ATF7IP: variants seen among roughly 807,000 people sequenced by gnomAD.
ATF7IP encodes the protein activating transcription factor 7 interacting protein.
A neutral mutation model predicts 106.4 loss-of-function variants in ATF7IP; 23 were observed. The ratio of observed to expected loss-of-function variants is 0.22; its 90% confidence interval spans 0.16 to 0.31. The LOEUF is 0.31. Ranked by LOEUF, ATF7IP falls within the 10% of genes least tolerant of loss-of-function variation. The pLI, the probability that ATF7IP is intolerant of heterozygous loss-of-function variation, is 1.00. For missense variants in ATF7IP, 1,334 were observed against 1,524.3 expected, an observed-to-expected ratio of 0.88 and a Z score of 2.08; for synonymous variants, 542 against 539.0, an observed-to-expected ratio of 1.01 and a Z score of -0.08.
At chr12:14,385,810 C>T (rs1017861720) in intron 1 of ATF7IP, among the ~76,000 whole-genome samples, 2 of 151,522 alleles carry the variant, frequency 1.3e-5, no homozygotes, top group Non-Finnish European at 2.9e-5. Context: ...AATTTTTCTA[C>T]GGTTTTGTGA....
chr12:14,389,876 G>A (rs1170643216), intron 1 of ATF7IP, among the ~76,000 whole-genome samples: 1 of 152,116 alleles, frequency 6.6e-6, no homozygotes, highest in Non-Finnish European at 1.5e-5. Context: ...CGCCCGCCTC[G>A]GCCTCCCAAA....
At chr12:14,433,027 C>A (rs1387153648) in intron 2 of ATF7IP, among the ~76,000 whole-genome samples, 3 of 152,080 alleles carry the variant, frequency 2.0e-5, no homozygotes, top group Admixed American at 6.6e-5. Context: ...TTAGCAATAT[C>A]TTTTGGCAGC....
intron 1 of ATF7IP, among the ~76,000 whole-genome samples, chr12:14,376,792 G>A (rs1353038034): frequency 2.1e-4 from 32 of 152,134 alleles, no homozygotes; most frequent in Non-Finnish European, 4.4e-5. Flanking sequence ...TAGTAGGCAT[G>A]ATTTCTATAT....
chr12:14,485,922 C>T (rs183679072), intron 13 of ATF7IP, among the ~76,000 whole-genome samples: 2 of 152,302 alleles, frequency 1.3e-5, no homozygotes, highest in East Asian at 3.9e-4. Context: ...GCAAGCACCG[C>T]CCCTGCATCT....
At chr12:14,417,992 C>T (rs1251040949) in intron 1 of ATF7IP, among the ~76,000 whole-genome samples, 1 of 152,066 alleles carries the variant, frequency 6.6e-6, no homozygotes, top group African/African-American at 2.4e-5. Flanking sequence ...AACAGCTTCC[C>T]TTTGTTGTTT....
intron 5 of ATF7IP, among the ~76,000 whole-genome samples, chr12:14,444,952 T>C (rs991904317): frequency 1.3e-5 from 2 of 151,746 alleles, no homozygotes; most frequent in African/African-American, 2.4e-5. Flanking sequence ...AGAATAATAA[T>C]ATTATGCATA....
chr12:14,457,321 T>TA (rs1565528617), intron 8 of ATF7IP, 26 bp downstream of exon 8: 2 of 1,476,120 alleles, frequency 1.4e-6, no homozygotes, highest in Non-Finnish European at 1.9e-6. Flanking sequence ...AATACCAAAA[T>TA]ACATTTTCTT....
In ATF7IP at chr12:14,498,385, C is replaced by T. The variant is rs564701192; in HGVS notation, c.*312C>T. 5.2e-5 allele frequency: 13 copies of T among 249,324 alleles called. No individual in the cohort carries two copies. In the Middle Eastern group the frequency reaches 6.2e-3, roughly 119 times the overall value. The allele number at this position is 249,324 out of a possible 1,614,324, so 15.4% of individuals were successfully genotyped here. On this transcript the variant is annotated 3_prime_UTR_variant, in exon 15 of 15. Coordinates refer to ENST00000261168, the MANE Select transcript of ATF7IP (RefSeq NM_018179.5). ...TGTAGGTGTTATTGCATTGGAGTCT[C>T]CCATTTTCATTCTCAAATTTACCTC...
rs1224540616 is a variant in ATF7IP at position 14,501,284 on chromosome 12, A to C, written c.*3211A>C. 1 of 152,212 alleles carries C rather than the reference A, an allele frequency of 6.6e-6. No homozygotes were observed. The highest frequency in any genetic ancestry group is 1.5e-5 in the Non-Finnish European group (1 of 68,028). The allele number at this position is 152,212 out of a possible 1,614,324, so 9.4% of individuals were successfully genotyped here. On this transcript the variant is annotated 3_prime_UTR_variant, in exon 15 of 15. Coordinates refer to ENST00000261168, the MANE Select transcript of ATF7IP (RefSeq NM_018179.5). ...AGTTTGCTACATTTTTAGCCTGGCA[A>C]TATTTGTGTAGGTATTGCCTTATTG...
chr12:14,477,517 T>C (rs1279181765), intron 11 of ATF7IP, among the ~76,000 whole-genome samples: 1 of 152,226 alleles, frequency 6.6e-6, no homozygotes, highest in African/African-American at 2.4e-5. Flanking sequence ...GATTAAAAAG[T>C]AAAGTCCTAA....
intron 1 of ATF7IP, among the ~76,000 whole-genome samples, chr12:14,406,255 C>T (rs1296679825): frequency 2.0e-5 from 3 of 152,090 alleles, no homozygotes; most frequent in Admixed American, 6.5e-5. Flanking sequence ...TCTGCCACCA[C>T]GCCTGGCTGA....
intron 3 of ATF7IP, among the ~76,000 whole-genome samples, chr12:14,434,628 A>G (rs559708687): frequency 6.6e-6 from 1 of 152,338 alleles, no homozygotes; most frequent in African/African-American, 2.4e-5. Context: ...GTTTATTTAT[A>G]CTTTTTATTG....
intron 12 of ATF7IP, among the ~76,000 whole-genome samples, chr12:14,480,489 G>A (rs1018469581): frequency 1.3e-5 from 2 of 152,156 alleles, no homozygotes; most frequent in East Asian, 3.8e-4. Context: ...TAAACAAAAT[G>A]TGAATTATAA....
chr12:14,368,113 A>G (rs1401398030), intron 1 of ATF7IP, among the ~76,000 whole-genome samples: 4 of 152,146 alleles, frequency 2.6e-5, no homozygotes, highest in African/African-American at 9.6e-5. Flanking sequence ...ATGTATTTAA[A>G]TATTTTTAAA....
intron 10 of ATF7IP, among the ~76,000 whole-genome samples, chr12:14,475,088 C>A (rs149463041): frequency 2.6e-5 from 4 of 152,116 alleles, no homozygotes. Flanking sequence ...TGGAATTGAT[C>A]TCAGTATAAT....
chr12:14,466,033 A>G (rs902209814), intron 9 of ATF7IP: 14 of 152,784 alleles, frequency 9.2e-5, no homozygotes, highest in African/African-American at 3.1e-4. Context: ...CTGCGAACTC[A>G]TTACAAGTTA....
intron 1 of ATF7IP, among the ~76,000 whole-genome samples, chr12:14,391,074 G>C (rs556964442): frequency 6.6e-6 from 1 of 152,210 alleles, no homozygotes; most frequent in African/African-American, 2.4e-5. Flanking sequence ...TTTGAAAAGA[G>C]AAAGTGATTT....
At chr12:14,457,408 C>A in intron 8 of ATF7IP, 113 bp downstream of exon 8, 1 of 759,028 alleles carries the variant, frequency 1.3e-6, no homozygotes, top group Non-Finnish European at 2.1e-6. Context: ...GCACATTGGT[C>A]TAAGTACAAA....
intron 13 of ATF7IP, among the ~76,000 whole-genome samples, chr12:14,495,527 G>A (rs768822227): frequency 1.3e-5 from 2 of 152,300 alleles, no homozygotes; most frequent in African/African-American, 2.4e-5. Context: ...GAACCAGGCC[G>A]AACTACAGCA....
Sources: allele counts gnomAD v4.1 joint callset (sites outside exome capture counted in the v4.1 genomes callset), GRCh38; gene constraint gnomAD v4.1.1; transcripts MANE v1.5; gene names NCBI Gene and HGNC (gene_info 2026-07-23, HGNC 2026-07-21).